Variants in CPA6 observed in about 807,000 individuals in gnomAD.
The protein encoded by CPA6 is carboxypeptidase B.
Under a neutral mutation model 63.3 loss-of-function variants are expected in CPA6, and 58 were observed. That is an observed-to-expected ratio of 0.92 (90% CI 0.74 to 1.14). The LOEUF is 1.14. CPA6 is among the 50% of genes most tolerant of loss of function. The probability of loss-of-function intolerance (pLI) is 0.00; values close to 1 mark genes in which losing one functional copy is unlikely to be tolerated. For synonymous variants in CPA6, 185 were observed against 179.0 expected, an observed-to-expected ratio of 1.03 and a Z score of -0.27; for missense variants, 565 against 526.6, an observed-to-expected ratio of 1.07 and a Z score of -0.71.
chr8:67,543,013 A>G (rs1050682608), intron 2 of CPA6, among the ~76,000 whole-genome samples: 1 of 152,200 alleles, frequency 6.6e-6, no homozygotes, highest in Non-Finnish European at 1.5e-5. Flanking sequence ...TTCGTTAAGA[A>G]CTTGACACAC....
At chr8:67,579,474 T>A (rs1813711269) in intron 2 of CPA6, among the ~76,000 whole-genome samples, 2 of 152,336 alleles carry the variant, frequency 1.3e-5, no homozygotes, top group Middle Eastern at 6.8e-3. Flanking sequence ...ATCCCCCGAC[T>A]AATCCATCAG....
intron 6 of CPA6, among the ~76,000 whole-genome samples, chr8:67,495,903 G>C (rs1811700862): frequency 1.3e-5 from 2 of 151,998 alleles, no homozygotes; most frequent in South Asian, 2.1e-4. Context: ...GGCTTCCAAG[G>C]CTTACTATAA....
chr8:67,714,578 T>C (rs1051423935), intron 1 of CPA6, among the ~76,000 whole-genome samples: 7 of 152,132 alleles, frequency 4.6e-5, no homozygotes, highest in African/African-American at 1.7e-4. Context: ...TGTGCACCTG[T>C]AGTCCCAGCT....
intron 8 of CPA6, among the ~76,000 whole-genome samples, chr8:67,460,337 T>A (rs1280769856): frequency 6.6e-6 from 1 of 152,230 alleles, no homozygotes; most frequent in Non-Finnish European, 1.5e-5. Context: ...TAAGGTCAGT[T>A]ATTATAATAT....
chr8:67,694,794 C>G (rs886124069), intron 1 of CPA6, among the ~76,000 whole-genome samples: 2 of 152,186 alleles, frequency 1.3e-5, no homozygotes, highest in African/African-American at 2.4e-5. Flanking sequence ...CCTTGAAAGA[C>G]AGTAGTGAAG....
intron 1 of CPA6, among the ~76,000 whole-genome samples, chr8:67,695,071 C>G (rs551443846): frequency 1.2e-4 from 18 of 152,230 alleles, no homozygotes; most frequent in African/African-American, 3.4e-4. Context: ...GCTTACCAAA[C>G]AGTGACCTCA....
At chr8:67,534,316 G>T (rs1169927845) in intron 2 of CPA6, among the ~76,000 whole-genome samples, 2 of 152,124 alleles carry the variant, frequency 1.3e-5, no homozygotes, top group African/African-American at 4.8e-5. Flanking sequence ...TGTGTTCTGG[G>T]CTTTTAGCTC....
At chr8:67,673,388 A>ATTTT (rs796416371) in intron 1 of CPA6, among the ~76,000 whole-genome samples, 28 of 133,998 alleles carry the variant, frequency 2.1e-4, no homozygotes, top group African/African-American at 7.4e-4. Flanking sequence ...TTATTTATTT[A>ATTTT]TTTTTTTTTT....
rs112368782 is a variant in CPA6, at chr8:67,516,750, C to T, written c.317+1173G>A. On this transcript the variant is annotated intron_variant, in intron 3 of 10. Transcript: ENST00000297770. ...CTGGACCCATCTCTTTCTTTAAAGTCTTTCTTTTCTTTTTCAGCTCCTCTG... is the reference window on the plus strand; with the variant it reads ...CTGGACCCATCTCTTTCTTTAAAGTTTTTCTTTTCTTTTTCAGCTCCTCTG... Among the ~76,000 whole-genome samples, 250 of 152,222 alleles carry T rather than the reference C, an allele frequency of 1.6e-3. 1 individual carries two copies. Among genetic ancestry groups the T allele is most frequent in the Non-Finnish European group, 2.9e-3 (197 of 68,014 alleles).
chr8:67,445,456 C>G (rs1031040429), intron 8 of CPA6, among the ~76,000 whole-genome samples: 1 of 133,132 alleles, frequency 7.5e-6, no homozygotes, highest in Non-Finnish European at 1.5e-5. Flanking sequence ...TTGCATATCC[C>G]TGATATATAT....
chr8:67,632,147 GC>G (rs946987281), intron 1 of CPA6, among the ~76,000 whole-genome samples: 3 of 91,518 alleles, frequency 3.3e-5, no homozygotes, highest in African/African-American at 5.7e-5. Flanking sequence ...AAAAAATGAT[GC>G]TGTGTGTGTG....
At chr8:67,616,501 A>ATGTGTGTGTGTGTG (rs4009134) in intron 2 of CPA6, among the ~76,000 whole-genome samples, 14 of 127,040 alleles carry the variant, frequency 1.1e-4, no homozygotes, top group Admixed American at 3.2e-4. Context: ...GGCAAATTGA[A>ATGTGTGTGTGTGTG]TGTGTGTGTG....
rs535534212 is a variant in CPA6, at chr8:67,614,659, A to C, written c.192+9517T>G. Among the ~76,000 whole-genome samples the C allele has an allele frequency of 5.3e-5, 8 of 152,286 alleles. No individual in the cohort carries two copies. In the East Asian group the frequency reaches 1.5e-3, roughly 29 times the overall value. On this transcript the variant is annotated intron_variant, in intron 2 of 10. Transcript: ENST00000297770. ...AATTGCCCCCATTTTGTCTACATGC[A>C]GTGTGTGTAGAAACATGTTCATGTA...
intron 2 of CPA6, among the ~76,000 whole-genome samples, chr8:67,524,020 G>A (rs1193833965): frequency 2.0e-5 from 3 of 152,174 alleles, no homozygotes; most frequent in Non-Finnish European, 2.9e-5. Context: ...GTTTGTCTTC[G>A]ACTAGTGTTT....
intron 1 of CPA6, among the ~76,000 whole-genome samples, chr8:67,723,539 A>G (rs1038554748): frequency 2.6e-5 from 4 of 152,204 alleles, no homozygotes. Context: ...CTTCTCTGGC[A>G]CTATATGACA....
chr8:67,559,112 C>T (rs764466887), intron 2 of CPA6, among the ~76,000 whole-genome samples: 4 of 152,254 alleles, frequency 2.6e-5, no homozygotes, highest in Admixed American at 2.6e-4. Flanking sequence ...TTGTTTAAAA[C>T]GTTCCAACTT....
At chr8:67,687,993 T>G (rs1325410763) in intron 1 of CPA6, among the ~76,000 whole-genome samples, 1 of 152,008 alleles carries the variant, frequency 6.6e-6, no homozygotes, top group Non-Finnish European at 1.5e-5. Flanking sequence ...CTGGGTAACA[T>G]GGAAAAACCC....
chr8:67,567,907 G>A (rs1474516954), intron 2 of CPA6, among the ~76,000 whole-genome samples: 2 of 152,170 alleles, frequency 1.3e-5, no homozygotes, highest in East Asian at 1.9e-4. Flanking sequence ...AGGGGAAAGA[G>A]TGCAGTTAGA....
intron 2 of CPA6, among the ~76,000 whole-genome samples, chr8:67,600,286 C>T (rs1321992431): frequency 4.3e-5 from 6 of 140,876 alleles, no homozygotes; most frequent in African/African-American, 1.6e-4. Context: ...TGCATGCTCT[C>T]ACTTATATGT....
Sources: allele counts gnomAD v4.1 joint callset (sites outside exome capture counted in the v4.1 genomes callset), GRCh38; gene constraint gnomAD v4.1.1; transcripts MANE v1.5; gene names NCBI Gene and HGNC (gene_info 2026-07-23, HGNC 2026-07-21).